SULF1: variants seen among roughly 807,000 people sequenced by gnomAD.
SULF1 encodes the protein extracellular sulfatase Sulf-1.
SULF1 carries 46 observed loss-of-function variants against 110.5 expected under a neutral mutation model. The ratio of observed to expected loss-of-function variants is 0.42; its 90% CI spans 0.33 to 0.53. The LOEUF (loss-of-function observed/expected upper bound fraction) is 0.53. Among genes scored for constraint, SULF1 ranks in the 20% least tolerant of loss-of-function variants. The pLI is 0.12. For missense variants in SULF1, 941 were observed against 1,094.2 expected (o/e 0.86, Z 1.98); for synonymous variants, 371 against 387.1 (o/e 0.96, Z 0.49).
In SULF1 at chr8:69,517,195, G is replaced by A. The variant is rs573529657; in HGVS notation, c.-134+15227G>A. 3.2e-4 allele frequency among the ~76,000 whole-genome samples: 49 copies of A among 152,206 alleles called. No homozygotes were observed. The South Asian group carries it at 1.0e-2, about 31-fold the overall frequency. On this transcript the variant is annotated intron_variant, in intron 3 of 22. Coordinates refer to ENST00000402687, the MANE Select transcript of SULF1 (RefSeq NM_001128205.2). ...AAGTGTGCAAGACATAGAAAGAATG[G>A]GGCAAAACTTCTTGCTTTAATAGGA... is the stretch of plus-strand genomic sequence containing the variant.
intron 1 of SULF1, among the ~76,000 whole-genome samples, chr8:69,487,823 G>C (rs1378478876): frequency 6.6e-6 from 1 of 152,172 alleles, no homozygotes; most frequent in Non-Finnish European, 1.5e-5. Context: ...TCAGAGGATG[G>C]TCTTCATGCT....
At chr8:69,521,841 TA>T (rs75983618) in intron 3 of SULF1, among the ~76,000 whole-genome samples, 3,153 of 110,040 alleles carry the variant, frequency 0.029, 65 homozygotes, top group African/African-American at 0.077. Flanking sequence ...TGGGCCAAGG[TA>T]AAAAAAAAAA....
At chr8:69,601,599 G>T in intron 9 of SULF1, 55 bp from the exon 10 acceptor site, 1 of 1,457,946 alleles carries the variant, frequency 6.9e-7, no homozygotes, top group Non-Finnish European at 9.2e-7. Flanking sequence ...ACACTATTGA[G>T]CATCATCTTA....
intron 3 of SULF1, among the ~76,000 whole-genome samples, chr8:69,512,957 C>T (rs558757848): frequency 5.9e-5 from 9 of 152,254 alleles, no homozygotes; most frequent in African/African-American, 2.2e-4. Context: ...ATTTATTTCT[C>T]CCTTTGACCT....
intron 8 of SULF1, among the ~76,000 whole-genome samples, chr8:69,595,246 G>GC (rs1158197028): frequency 2.0e-5 from 3 of 152,146 alleles, no homozygotes; most frequent in African/African-American, 7.2e-5. Flanking sequence ...CAAAACTAGA[G>GC]CTGAAACTCA....
chr8:69,501,100 A>G (rs1171524980), intron 2 of SULF1, among the ~76,000 whole-genome samples: 2 of 152,214 alleles, frequency 1.3e-5, no homozygotes, highest in South Asian at 2.1e-4. Context: ...AAGTATGAAG[A>G]CTTTAAATGA....
chr8:69,579,160 C>CAAAA (rs1179542392), intron 6 of SULF1, among the ~76,000 whole-genome samples: 5 of 52,726 alleles, frequency 9.5e-5, no homozygotes, highest in African/African-American at 1.8e-4. Flanking sequence ...GACTCTGTCT[C>CAAAA]AAAAAAAAAA....
At chr8:69,548,788 CCAAAACAAAA>C (rs372214784) in intron 3 of SULF1, among the ~76,000 whole-genome samples, 24 of 151,658 alleles carry the variant, frequency 1.6e-4, no homozygotes, top group Admixed American at 2.6e-4. Flanking sequence ...GGACCCAGAG[CCAAAACAAAA>C]CAAAACAAAA....
intron 3 of SULF1, among the ~76,000 whole-genome samples, chr8:69,546,367 C>A (rs754854851): frequency 1.3e-5 from 2 of 152,174 alleles, no homozygotes; most frequent in Non-Finnish European, 2.9e-5. Flanking sequence ...CTACATTTAT[C>A]CCCGTGGTCA....
intron 3 of SULF1, among the ~76,000 whole-genome samples, chr8:69,521,301 C>T (rs1424661454): frequency 1.3e-5 from 2 of 152,050 alleles, no homozygotes; most frequent in African/African-American, 4.8e-5. Flanking sequence ...ATTAGAGATC[C>T]CAACTTTTGT....
At chr8:69,645,625 A>G (rs1226223277) in intron 22 of SULF1, among the ~76,000 whole-genome samples, 1 of 152,226 alleles carries the variant, frequency 6.6e-6, no homozygotes, top group Non-Finnish European at 1.5e-5. Flanking sequence ...CTTTCCAAGG[A>G]GTTGGCATTT....
chr8:69,638,658 T>C lies in SULF1; in HGVS notation c.2427+14T>C. 6.2e-7 allele frequency: 1 copy of C among 1,612,240 alleles called. No homozygotes were observed. Among genetic ancestry groups the C allele is most frequent in the South Asian group, 1.1e-5 (1 of 90,566 alleles). On this transcript the variant is annotated intron_variant, in intron 20 of 22. Coordinates refer to ENST00000402687, the MANE Select transcript of SULF1 (RefSeq NM_001128205.2). Reference sequence around the variant, plus strand: ...GATCCTTATCAGGTAAGACAATATATGTTCATTTTATGAAGGTTGTTGAAA... The same window carrying C: ...GATCCTTATCAGGTAAGACAATATACGTTCATTTTATGAAGGTTGTTGAAA...
chr8:69,630,632 C>T lies in SULF1; in HGVS notation c.2284+953C>T, dbSNP rs556962248. Reference sequence around the variant, plus strand: ...TTAACTTTTAATCTAGTTTCTGAAACTGTGGTGTGGGAATCCCTGAGGGTT... The same window carrying T: ...TTAACTTTTAATCTAGTTTCTGAAATTGTGGTGTGGGAATCCCTGAGGGTT... On this transcript the variant is annotated intron_variant, in intron 19 of 22. Coordinates refer to ENST00000402687, the MANE Select transcript of SULF1 (RefSeq NM_001128205.2). 2.1e-4 allele frequency among the ~76,000 whole-genome samples: 32 copies of T among 152,190 alleles called. 1 individual carries two copies. In the South Asian group the frequency reaches 6.4e-3, roughly 31 times the overall value.
At chr8:69,495,014 A>G (rs1586220856) in intron 1 of SULF1, among the ~76,000 whole-genome samples, 1 of 152,242 alleles carries the variant, frequency 6.6e-6, no homozygotes, top group East Asian at 1.9e-4. Flanking sequence ...TTCTTGACTC[A>G]GGGCTGGATG....
In SULF1 at chr8:69,563,532, C is replaced by G. The variant is rs377296169; in HGVS notation, c.-133-7C>G. 6.4e-6 allele frequency: 1 copy of G among 156,270 alleles called. No individual in the cohort carries two copies. Among genetic ancestry groups the G allele is most frequent in the Non-Finnish European group, 1.4e-5 (1 of 70,604 alleles). The allele number at this position is 156,270 out of a possible 1,614,324, so 9.7% of individuals were successfully genotyped here. On this transcript the variant is annotated splice_region_variant and splice_polypyrimidine_tract_variant and intron_variant, in intron 3 of 22. Transcript: ENST00000402687. ...ATTTCCTTTGTATTTTTTTCTCCCCCTTCCAGGACCCTATCTGCAGATGTT... is the reference window on the plus strand; with the variant it reads ...ATTTCCTTTGTATTTTTTTCTCCCCGTTCCAGGACCCTATCTGCAGATGTT...
intron 6 of SULF1, among the ~76,000 whole-genome samples, chr8:69,584,183 G>A (rs903789751): frequency 3.9e-5 from 6 of 152,166 alleles, no homozygotes; most frequent in East Asian, 1.9e-4. Context: ...AGTGGCAATC[G>A]AAGTGGAAAG....
At chr8:69,614,476 A>G (rs1808925215) in intron 13 of SULF1, among the ~76,000 whole-genome samples, 1 of 152,264 alleles carries the variant, frequency 6.6e-6, no homozygotes, top group African/African-American at 2.4e-5. Flanking sequence ...CAAGAGTTAA[A>G]TAAATGATCA....
intron 3 of SULF1, among the ~76,000 whole-genome samples, chr8:69,531,181 A>C (rs62512995): frequency 0.054 from 8,162 of 152,284 alleles, 317 homozygotes; most frequent in Middle Eastern, 0.088. Context: ...CTCAGTGAAC[A>C]TGCCTAGCTC....
Position 69,600,751 on chromosome 8 carries a change from A to T in SULF1, c.883A>T (p.Arg295Trp), listed in dbSNP as rs766625802. 5.8e-5 allele frequency: 93 copies of T among 1,613,644 alleles called. No homozygotes were observed. In the South Asian group the frequency reaches 5.9e-4, roughly 10 times the overall value. Reference sequence around the variant, plus strand: ...GATGTCAGTGGATGATTCTGTGGAGAGGGTAAGCACATGAACCTACCTCAG... The same window carrying T: ...GATGTCAGTGGATGATTCTGTGGAGTGGGTAAGCACATGAACCTACCTCAG... ...TLMSVDDSVE[R>W]LYNMLVETGE... The change falls in exon 9 of 23, where the codon AGG (arginine) becomes TGG (tryptophan). Residue 295 changes from arginine to tryptophan, a missense_variant and splice_region_variant. Around this residue, in one of 3 missense-constraint regions of SULF1, gnomAD observed 822 missense variants for 934.3 expected, o/e 0.88. Transcript: ENST00000402687.
Sources: allele counts gnomAD v4.1 joint callset (sites outside exome capture counted in the v4.1 genomes callset), GRCh38; gene constraint gnomAD v4.1.1; regional missense constraint gnomAD v4.1.1; transcripts MANE v1.5; gene names NCBI Gene and HGNC (gene_info 2026-07-23, HGNC 2026-07-21).